CACNA2D4: variants seen among roughly 807,000 people sequenced by gnomAD.
CACNA2D4 encodes the protein calcium voltage-gated channel auxiliary subunit alpha2delta 4.
CACNA2D4 carries 157 observed loss-of-function variants against 163.8 expected under a neutral mutation model. The observed-to-expected ratio is 0.96, with a 90% CI of 0.84 to 1.09. CACNA2D4 has a LOEUF of 1.09. Among genes scored for constraint, CACNA2D4 ranks in the 50% least tolerant of loss-of-function variants. CACNA2D4 has a pLI of 0.00. For missense variants in CACNA2D4, 1,410 were observed against 1,479.9 expected (o/e 0.95, Z 0.78); for synonymous variants, 598 against 586.9 (o/e 1.02, Z -0.27).
chr12:1,871,060 T>TATATA (rs1172630424), intron 18 of CACNA2D4, among the ~76,000 whole-genome samples: 5 of 152,062 alleles, frequency 3.3e-5, no homozygotes, highest in Non-Finnish European at 7.4e-5. Context: ...TGTGTGTTGC[T>TATATA]GGTGGTGTGT....
chr12:1,813,994 C>G (rs1004637096), intron 26 of CACNA2D4, among the ~76,000 whole-genome samples: 1 of 152,144 alleles, frequency 6.6e-6, no homozygotes, highest in African/African-American at 2.4e-5. Flanking sequence ...TCATTTTAGA[C>G]AGATTTCTTT....
At position 1,834,804 on chromosome 12, in the gene CACNA2D4, G is replaced by T; in HGVS notation, c.2551+5935C>A. ...GCCACAGCTCCCACCTTGACCCGGC[G>T]CTGGCCACTGCCTCCCCGAGTCCAC... On this transcript the variant is annotated intron_variant, in intron 26 of 37. Transcript: ENST00000382722. This position sits in a 1 kb window ranked among gnomAD's most constrained non-coding sequence, Gnocchi z 7.6. The T allele has an allele frequency of 3.4e-6, 5 of 1,467,730 alleles. 1 individual carries two copies. In the South Asian group the frequency reaches 4.2e-5, roughly 12 times the overall value. The allele number at this position is 1,467,730 out of a possible 1,614,324, so 90.9% of individuals were successfully genotyped here.
At chr12:1,837,792 G>T (rs1360800482) in intron 26 of CACNA2D4, among the ~76,000 whole-genome samples, 1 of 152,100 alleles carries the variant, frequency 6.6e-6, no homozygotes, top group African/African-American at 2.4e-5. Flanking sequence ...AAGTCTTCCC[G>T]AGCCCCACTG....
chr12:1,798,501 A>G lies in CACNA2D4; in HGVS notation c.2996-966T>C, dbSNP rs542820883. ...CAGAAAACTCTCACCGAGAGGAGCA[A>G]GCCCACAGCGGCCAGGGCTGTGAGT... On this transcript the variant is annotated intron_variant, in intron 34 of 37. Transcript: ENST00000382722. The surrounding 1 kb of genome is among the most constrained non-coding windows in gnomAD (Gnocchi z 4.3). 3.6e-4 allele frequency among the ~76,000 whole-genome samples: 54 copies of G among 152,036 alleles called. No individual in the cohort carries two copies. The highest frequency in any genetic ancestry group is 1.2e-3 in the African/African-American group (48 of 41,444).
chr12:1,879,681 T>C, intron 14 of CACNA2D4, 123 bp downstream of exon 14: 1 of 778,056 alleles, frequency 1.3e-6, no homozygotes, highest in Non-Finnish European at 2.2e-6. Context: ...CCTGGAAATC[T>C]GCATTCAAAC....
At chr12:1,800,595 C>A (rs1863282288) in intron 31 of CACNA2D4, 157 bp from the exon 32 acceptor site, 4 of 686,552 alleles carry the variant, frequency 5.8e-6, no homozygotes, top group Non-Finnish European at 1.0e-5. Flanking sequence ...CAGCACCCCC[C>A]ATCCCCCCAC....
chr12:1,805,728 A>T (rs1281596359), intron 29 of CACNA2D4, among the ~76,000 whole-genome samples: 1 of 152,204 alleles, frequency 6.6e-6, no homozygotes, highest in East Asian at 1.9e-4. Flanking sequence ...TGGAGGGCCC[A>T]GTGGAGCAGG....
chr12:1,885,392 AC>A (rs1421176734), intron 9 of CACNA2D4, among the ~76,000 whole-genome samples: 2 of 152,198 alleles, frequency 1.3e-5, no homozygotes, highest in Non-Finnish European at 2.9e-5. Context: ...CTCCCAGACC[AC>A]AGCCCGCAGC....
intron 26 of CACNA2D4, among the ~76,000 whole-genome samples, chr12:1,822,852 C>T (rs1279192827): frequency 6.6e-6 from 1 of 152,192 alleles, no homozygotes; most frequent in Non-Finnish European, 1.5e-5. Flanking sequence ...TCCCCTGCGT[C>T]CTGGCCACAT....
intron 35 of CACNA2D4, among the ~76,000 whole-genome samples, 155 bp downstream of exon 35, chr12:1,797,263 G>A (rs1592645418): frequency 6.6e-6 from 1 of 152,262 alleles, no homozygotes; most frequent in Non-Finnish European, 1.5e-5. Context: ...GACGGCGGGG[G>A]AAGACCCCGG....
Position 1,874,106 on chromosome 12 carries a change from G to C in CACNA2D4, c.1878+498C>G, listed in dbSNP as rs577402351. ...GAAGATGAAATGATCTTTTATAAAC[G>C]ATGCACATGGTTGTAAAGATAGTAA... On this transcript the variant is annotated intron_variant, in intron 18 of 37. Transcript: ENST00000382722. The surrounding 1 kb of genome is among the most constrained non-coding windows in gnomAD (Gnocchi z 4.4). 2.0e-5 allele frequency among the ~76,000 whole-genome samples: 3 copies of C among 152,184 alleles called. No homozygotes were observed. The highest frequency in any genetic ancestry group is 2.9e-5 in the Non-Finnish European group (2 of 68,036).
intron 26 of CACNA2D4, among the ~76,000 whole-genome samples, chr12:1,814,461 G>A (rs1003857565): frequency 6.6e-6 from 1 of 152,172 alleles, no homozygotes; most frequent in South Asian, 2.1e-4. Flanking sequence ...TAATGAGTGC[G>A]TTTTACAATC....
At chr12:1,915,285 T>C (rs1866942721) in intron 1 of CACNA2D4, 1 of 702,286 alleles carries the variant, frequency 1.4e-6, no homozygotes, top group African/African-American at 1.7e-5. Flanking sequence ...TGCTGTGTGC[T>C]GAATGTCCTC....
At chr12:1,916,301 A>G (rs1303959834) in intron 1 of CACNA2D4, among the ~76,000 whole-genome samples, 1 of 152,162 alleles carries the variant, frequency 6.6e-6, no homozygotes, top group Non-Finnish European at 1.5e-5. Flanking sequence ...TACCATTGGG[A>G]AGGTTGTGCA....
intron 6 of CACNA2D4, among the ~76,000 whole-genome samples, chr12:1,896,941 A>G (rs946747541): frequency 1.1e-4 from 16 of 152,364 alleles, no homozygotes; most frequent in Admixed American, 5.9e-4. Context: ...TGGTATATAC[A>G]CAGAATGGAA....
chr12:1,909,035 G>C (rs1420453583), intron 4 of CACNA2D4, among the ~76,000 whole-genome samples: 1 of 152,110 alleles, frequency 6.6e-6, no homozygotes, highest in Non-Finnish European at 1.5e-5. Context: ...GCCTTTCCCT[G>C]CTGAGAAAGG....
intron 6 of CACNA2D4, among the ~76,000 whole-genome samples, chr12:1,898,480 A>G (rs1417625222): frequency 6.6e-6 from 1 of 152,228 alleles, no homozygotes; most frequent in Admixed American, 6.5e-5. Context: ...AAAGATGTTC[A>G]AAGTCATTAA....
chr12:1,826,846 G>C (rs2154446760), intron 26 of CACNA2D4, among the ~76,000 whole-genome samples: 1 of 152,344 alleles, frequency 6.6e-6, no homozygotes, highest in South Asian at 2.1e-4. Context: ...ATGCCCGAGG[G>C]GAAACCTGCA....
chr12:1,808,962 C>T (rs1863626619), intron 29 of CACNA2D4, among the ~76,000 whole-genome samples: 1 of 152,158 alleles, frequency 6.6e-6, no homozygotes, highest in Non-Finnish European at 1.5e-5. Flanking sequence ...CCGTGATGCT[C>T]AATTAGCTGT....
Sources: allele counts gnomAD v4.1 joint callset (sites outside exome capture counted in the v4.1 genomes callset), GRCh38; gene constraint gnomAD v4.1.1; non-coding constraint Gnocchi (gnomAD v3.1); transcripts MANE v1.5; gene names NCBI Gene and HGNC (gene_info 2026-07-23, HGNC 2026-07-21).